ELOVL6: variants seen among roughly 807,000 people sequenced by gnomAD.
The protein encoded by ELOVL6 is ELOVL fatty acid elongase 6.
A neutral mutation model predicts 31.7 loss-of-function variants in ELOVL6; 8 were observed. The ratio of observed to expected loss-of-function variants is 0.25; its 90% CI spans 0.15 to 0.45. The LOEUF is 0.45. Among genes scored for constraint, ELOVL6 ranks in the 20% least tolerant of loss-of-function variants. The pLI is 1.00. For missense variants in ELOVL6, 126 were observed against 326.4 expected, an observed-to-expected ratio of 0.39 and a Z score of 4.73; for synonymous variants, 101 against 117.7, an observed-to-expected ratio of 0.86 and a Z score of 0.92.
In ELOVL6 at chr4:110,077,701, C is replaced by T. The variant is rs188166058; in HGVS notation, c.222-17947G>A. Among the ~76,000 whole-genome samples the T allele has an allele frequency of 2.5e-3, 384 of 152,252 alleles. 1 individual carries two copies. Among genetic ancestry groups the T allele is most frequent in the Middle Eastern group, 0.01 (3 of 294 alleles). On this transcript the variant is annotated intron_variant, in intron 2 of 3. Coordinates refer to ENST00000302274, the MANE Select transcript of ELOVL6 (RefSeq NM_024090.3). The stretch of plus-strand genomic sequence containing the variant: ...GAGCACCTCTCCTCCCCCAAAGGAA[C>T]GCAACTCCTCACCAGCAATGGAACA...
chr4:110,112,054 T>C (rs971610835), intron 1 of ELOVL6, among the ~76,000 whole-genome samples: 1 of 152,218 alleles, frequency 6.6e-6, no homozygotes, highest in African/African-American at 2.4e-5. Flanking sequence ...TCATGTCCCA[T>C]GGGTGAGAGA....
chr4:110,072,509 C>T (rs563887431), intron 2 of ELOVL6, among the ~76,000 whole-genome samples: 15 of 152,040 alleles, frequency 9.9e-5, no homozygotes, highest in Non-Finnish European at 2.1e-4. Flanking sequence ...TTCTAGAAAT[C>T]ATGGGAATTT....
intron 1 of ELOVL6, among the ~76,000 whole-genome samples, chr4:110,181,393 A>C (rs1407112618): frequency 1.3e-5 from 2 of 151,982 alleles, no homozygotes; most frequent in Non-Finnish European, 2.9e-5. Flanking sequence ...GGCTGCAGTA[A>C]ACCAAGATCG....
intron 1 of ELOVL6, among the ~76,000 whole-genome samples, chr4:110,118,975 G>T (rs1439080824): frequency 1.3e-5 from 2 of 152,168 alleles, no homozygotes; most frequent in Admixed American, 6.5e-5. Context: ...GTAGGTGAAT[G>T]GCTTTAGCTT....
chr4:110,153,556 TA>T (rs928294838), intron 1 of ELOVL6, among the ~76,000 whole-genome samples: 11 of 152,138 alleles, frequency 7.2e-5, no homozygotes, highest in African/African-American at 2.6e-4. Flanking sequence ...AAATGCCATG[TA>T]AAAAAAATTA....
chr4:110,186,207 A>G (rs552855091), intron 1 of ELOVL6, among the ~76,000 whole-genome samples: 2 of 152,118 alleles, frequency 1.3e-5, no homozygotes, highest in South Asian at 4.2e-4. Context: ...AACAAGACAA[A>G]ACAAAAACAA....
chr4:110,154,121 G>A (rs147808124), intron 1 of ELOVL6, among the ~76,000 whole-genome samples: 152 of 152,124 alleles, frequency 1.0e-3, no homozygotes, highest in African/African-American at 3.5e-3. Flanking sequence ...CTGTCACCCA[G>A]GGTGGTGTGC....
At position 110,047,213 on chromosome 4, in the gene ELOVL6, T is replaced by C. The variant is rs898435331; in HGVS notation, c.*4125A>G. 6.6e-6 allele frequency: 1 copy of C among 152,120 alleles called. No individual in the cohort carries two copies. The highest frequency in any genetic ancestry group is 1.5e-5 in the Non-Finnish European group (1 of 68,026). 9.4% of individuals were successfully genotyped at this position (152,120 alleles called of 1,614,324 possible). Reference sequence around the variant, plus strand: ...GTCTACAAGAGGTGGACATGGACCATGCTTATACAACTTAAAGCTCTGAAC... The same window carrying C: ...GTCTACAAGAGGTGGACATGGACCACGCTTATACAACTTAAAGCTCTGAAC... On this transcript the variant is annotated 3_prime_UTR_variant, in exon 4 of 4. Transcript: ENST00000302274.
chr4:110,127,966 GGGA>G (rs1432518708), intron 1 of ELOVL6, among the ~76,000 whole-genome samples: 1 of 152,008 alleles, frequency 6.6e-6, no homozygotes, highest in African/African-American at 2.4e-5. Context: ...CCAGCACTTT[GGGA>G]GGCCAAGGCA....
At chr4:110,083,069 T>A (rs1434641749) in intron 2 of ELOVL6, among the ~76,000 whole-genome samples, 1 of 151,752 alleles carries the variant, frequency 6.6e-6, no homozygotes, top group Non-Finnish European at 1.5e-5. Flanking sequence ...TCTGGGTTTA[T>A]TCACTTAAAA....
intron 2 of ELOVL6, among the ~76,000 whole-genome samples, chr4:110,097,260 G>A (rs1194228879): frequency 2.8e-5 from 4 of 141,544 alleles, no homozygotes; most frequent in African/African-American, 8.0e-5. Context: ...AGCCAAGATC[G>A]TGCCACTGTA....
intron 1 of ELOVL6, among the ~76,000 whole-genome samples, chr4:110,185,285 A>G (rs1759405057): frequency 6.6e-6 from 1 of 152,258 alleles, no homozygotes; most frequent in African/African-American, 2.4e-5. Flanking sequence ...GCAACCTTGT[A>G]TTCACTGATA....
intron 1 of ELOVL6, among the ~76,000 whole-genome samples, chr4:110,184,287 C>A (rs186565247): frequency 2.6e-5 from 4 of 152,244 alleles, no homozygotes; most frequent in African/African-American, 9.6e-5. Context: ...TGCATGCATT[C>A]ATTCAACTAT....
In ELOVL6 at chr4:110,047,041, C is replaced by T. The variant is rs979669005; in HGVS notation, c.*4297G>A. On this transcript the variant is annotated 3_prime_UTR_variant, in exon 4 of 4. Coordinates refer to ENST00000302274, the MANE Select transcript of ELOVL6 (RefSeq NM_024090.3). ...ACTCACAGCATGAACATAGGCTTTA[C>T]GATCATCCTAAATTGAGAGCAAGGT... The T allele has an allele frequency of 1.3e-5, 2 of 152,088 alleles. No homozygotes were observed. Among genetic ancestry groups the T allele is most frequent in the East Asian group, 3.9e-4 (2 of 5,188 alleles). 9.4% of individuals were successfully genotyped at this position (152,088 alleles called of 1,614,324 possible).
intron 1 of ELOVL6, among the ~76,000 whole-genome samples, chr4:110,151,829 G>A (rs6813255): frequency 0.62 from 94,062 of 152,062 alleles, 29,284 homozygotes; most frequent in East Asian, 0.65. Context: ...GAGTTTCCTC[G>A]TCAGTAAAAA....
intron 1 of ELOVL6, among the ~76,000 whole-genome samples, chr4:110,157,791 T>C (rs1323140063): frequency 2.0e-5 from 3 of 152,238 alleles, no homozygotes; most frequent in Non-Finnish European, 4.4e-5. Context: ...GCTGTAAAGC[T>C]ATGTGCCCTC....
At chr4:110,080,635 A>T (rs1269931798) in intron 2 of ELOVL6, among the ~76,000 whole-genome samples, 1 of 152,236 alleles carries the variant, frequency 6.6e-6, no homozygotes, top group African/African-American at 2.4e-5. Flanking sequence ...AGCCAATATC[A>T]TACTGAATGG....
At chr4:110,165,118 T>C (rs1392134707) in intron 1 of ELOVL6, among the ~76,000 whole-genome samples, 3 of 152,214 alleles carry the variant, frequency 2.0e-5, no homozygotes, top group Non-Finnish European at 1.5e-5. Flanking sequence ...TTGATCTCTA[T>C]TCTTCAAAAA....
At chr4:110,087,207 C>T (rs907243671) in intron 2 of ELOVL6, among the ~76,000 whole-genome samples, 1 of 152,084 alleles carries the variant, frequency 6.6e-6, no homozygotes, top group Admixed American at 6.6e-5. Context: ...ACACCGCCCC[C>T]ACAAGGATTT....
Sources: allele counts gnomAD v4.1 joint callset (sites outside exome capture counted in the v4.1 genomes callset), GRCh38; gene constraint gnomAD v4.1.1; transcripts MANE v1.5; gene names NCBI Gene and HGNC (gene_info 2026-07-23, HGNC 2026-07-21).